The following ODAD2 variants were observed in gnomAD, a reference collection of about 807,000 sequenced individuals.
ODAD2 encodes the protein outer dynein arm-docking complex subunit 2.
A neutral mutation model predicts 106.8 loss-of-function variants in ODAD2; 89 were observed. The observed-to-expected ratio is 0.83, with a 90% CI of 0.70 to 0.99. The LOEUF (loss-of-function observed/expected upper bound fraction) is 0.99, where lower values mean the gene tolerates loss of function less well. ODAD2 is among the 50% of genes least tolerant of loss of function. The pLI, the probability that ODAD2 is intolerant of heterozygous loss-of-function variation, is 0.00. For synonymous variants in ODAD2, 404 were observed against 436.2 expected (o/e 0.93, Z 0.92); for missense variants, 1,168 against 1,238.5 (o/e 0.94, Z 0.85).
Position 27,936,850 on chromosome 10 carries a change from C to A in ODAD2, c.2128G>T (p.Val710Phe). The stretch of plus-strand genomic sequence containing the variant: ...GGCTTAAGTCCTCCGTGCAGCCTAA[C>A]GAGGTCCCGGGTTTCCTTATCTTCA... ...CAEDKETRDLVRLHGGLKPLA... is the reference protein window; with the variant it reads ...CAEDKETRDLFRLHGGLKPLA... The change falls in exon 15 of 20, where the codon GTT (valine) becomes TTT (phenylalanine). Residue 710 changes from valine to phenylalanine, a missense_variant. Val to Phe is a conservative substitution (Grantham distance 50). Coordinates refer to ENST00000305242, the MANE Select transcript of ODAD2 (RefSeq NM_018076.5). 2 of 1,612,560 alleles carry A rather than the reference C, an allele frequency of 1.2e-6. No homozygotes were observed. The highest frequency in any genetic ancestry group is 1.7e-6 in the Non-Finnish European group (2 of 1,179,520).
intron 17 of ODAD2, among the ~76,000 whole-genome samples, chr10:27,894,645 C>T (rs1443903682): frequency 6.6e-6 from 1 of 151,852 alleles, no homozygotes; most frequent in Non-Finnish European, 1.5e-5. Flanking sequence ...GGCGCAATCA[C>T]GCCTCACTGA....
chr10:27,823,274 T>TA (rs1409328551), intron 19 of ODAD2, among the ~76,000 whole-genome samples: 1 of 152,100 alleles, frequency 6.6e-6, no homozygotes, highest in African/African-American at 2.4e-5. Context: ...AATAATAGGA[T>TA]AAGGATGGAT....
At chr10:27,919,737 C>T (rs1017237993) in intron 16 of ODAD2, among the ~76,000 whole-genome samples, 2 of 152,048 alleles carry the variant, frequency 1.3e-5, no homozygotes, top group African/African-American at 4.8e-5. Context: ...TAAAGTTAAA[C>T]ACATACTCTG....
intron 9 of ODAD2, among the ~76,000 whole-genome samples, chr10:27,967,189 C>T (rs1210288039): frequency 4.0e-5 from 6 of 151,876 alleles, no homozygotes; most frequent in Non-Finnish European, 8.8e-5. Flanking sequence ...CCAAGTCTAC[C>T]TCTTATAGCA....
chr10:27,824,796 CTGT>C (rs1190504724), intron 19 of ODAD2, among the ~76,000 whole-genome samples: 1 of 152,120 alleles, frequency 6.6e-6, no homozygotes, highest in Non-Finnish European at 1.5e-5. Flanking sequence ...TGTCTGTATT[CTGT>C]TGTTAGATCC....
chr10:27,913,927 A>T (rs1844185567), intron 16 of ODAD2, among the ~76,000 whole-genome samples: 3 of 152,170 alleles, frequency 2.0e-5, no homozygotes, highest in Non-Finnish European at 2.9e-5. Flanking sequence ...CAGTTCGGAG[A>T]TTTCTCAAAG....
chr10:27,845,767 C>T (rs1481973202), intron 19 of ODAD2, among the ~76,000 whole-genome samples: 3 of 152,260 alleles, frequency 2.0e-5, no homozygotes, highest in African/African-American at 7.2e-5. Context: ...GCAGGAGTTG[C>T]AATCCTAGTC....
At chr10:27,910,767 A>C (rs913336447) in intron 16 of ODAD2, among the ~76,000 whole-genome samples, 3 of 152,080 alleles carry the variant, frequency 2.0e-5, no homozygotes, top group African/African-American at 7.2e-5. Context: ...AAAAAAACAA[A>C]AAACAAACAA....
At chr10:27,980,373 G>A (rs1286898501) in intron 7 of ODAD2, among the ~76,000 whole-genome samples, 1 of 152,002 alleles carries the variant, frequency 6.6e-6, no homozygotes, top group African/African-American at 2.4e-5. Context: ...TGCATCAAAG[G>A]ACACTATCAA....
At chr10:27,995,216 T>A in intron 1 of ODAD2, 36 bp from the exon 2 acceptor site, 1 of 1,551,122 alleles carries the variant, frequency 6.4e-7, no homozygotes, top group Non-Finnish European at 8.7e-7. Flanking sequence ...GACAACAGCG[T>A]CCACCTTTTC....
In ODAD2 at chr10:27,860,096, C is replaced by T. The variant is rs57951932; in HGVS notation, c.3021+529G>A. Among the ~76,000 whole-genome samples the T allele has an allele frequency of 2.3e-3, 354 of 152,268 alleles. 2 individuals are homozygous for T. The highest frequency in any genetic ancestry group is 8.4e-3 in the African/African-American group (347 of 41,552). On this transcript the variant is annotated intron_variant, in intron 19 of 19. Coordinates refer to ENST00000305242, the MANE Select transcript of ODAD2 (RefSeq NM_018076.5). The stretch of plus-strand genomic sequence containing the variant: ...TATGGAATGATTATTTTACTAAGTA[C>T]ATTTCTATGCTTTAATTTAGAAAAA...
chr10:27,908,245 A>C (rs975493128), intron 16 of ODAD2, among the ~76,000 whole-genome samples: 1 of 152,218 alleles, frequency 6.6e-6, no homozygotes, highest in Non-Finnish European at 1.5e-5. Context: ...ATTAGGAATT[A>C]AAATCATTAC....
chr10:27,908,713 C>T (rs1843772252), intron 16 of ODAD2, among the ~76,000 whole-genome samples: 1 of 151,908 alleles, frequency 6.6e-6, no homozygotes, highest in Non-Finnish European at 1.5e-5. Context: ...TGAAAATTGA[C>T]GTAAAAACAT....
At position 27,898,870 on chromosome 10, in the gene ODAD2, A is replaced by G. The variant is rs575084743; in HGVS notation, c.2610+8793T>C. Among the ~76,000 whole-genome samples, 206 of 152,300 alleles carry G rather than the reference A, an allele frequency of 1.4e-3. 3 individuals are homozygous for G. The South Asian group carries it at 0.016, about 12-fold the overall frequency. ...TTTGGCTGTGATAACAAATGATTCC[A>G]TTAATGGGTTTATAATAGGTCTCCT... On this transcript the variant is annotated intron_variant, in intron 17 of 19. Coordinates refer to ENST00000305242, the MANE Select transcript of ODAD2 (RefSeq NM_018076.5).
chr10:27,849,686 G>C (rs1839096734), intron 19 of ODAD2, among the ~76,000 whole-genome samples: 1 of 152,070 alleles, frequency 6.6e-6, no homozygotes, highest in African/African-American at 2.4e-5. Context: ...TTCAAGATGA[G>C]AATTCTTAAT....
intron 19 of ODAD2, among the ~76,000 whole-genome samples, chr10:27,855,288 C>G (rs1288014784): frequency 6.6e-6 from 1 of 151,826 alleles, no homozygotes; most frequent in Non-Finnish European, 1.5e-5. Context: ...CTTACTGGAC[C>G]CCTTCAGTAA....
intron 17 of ODAD2, among the ~76,000 whole-genome samples, chr10:27,901,362 C>T (rs954666382): frequency 1.3e-5 from 2 of 152,124 alleles, no homozygotes; most frequent in African/African-American, 4.8e-5. Flanking sequence ...CAAAAACATA[C>T]CAAATTGTAA....
chr10:27,959,428 T>C (rs1847963720), intron 10 of ODAD2, among the ~76,000 whole-genome samples: 1 of 151,840 alleles, frequency 6.6e-6, no homozygotes, highest in East Asian at 1.9e-4. Context: ...GGAGAGGTAA[T>C]CACAGGAGGC....
At chr10:27,851,761 G>A (rs1417441146) in intron 19 of ODAD2, among the ~76,000 whole-genome samples, 1 of 152,072 alleles carries the variant, frequency 6.6e-6, no homozygotes, top group Non-Finnish European at 1.5e-5. Context: ...AAACATATTT[G>A]AAGAAATAAT....
Sources: gnomAD v4.1 joint callset for allele counts (sites outside exome capture counted in the v4.1 genomes callset) on GRCh38, gnomAD v4.1.1 for gene constraint, MANE v1.5 for transcripts, NCBI Gene and HGNC (gene_info 2026-07-23, HGNC 2026-07-21) for gene names.